Variants in ADGRB3 observed in about 807,000 individuals in gnomAD.
ADGRB3 encodes the protein adhesion G protein-coupled receptor B3.
In ADGRB3, 37 loss-of-function variants were observed where a neutral mutation model predicts 193.4. The observed-to-expected ratio is 0.19, with a 90% CI of 0.15 to 0.25. The LOEUF is 0.25. ADGRB3 is among the 10% of genes least tolerant of loss of function. The pLI is 1.00. For synonymous variants in ADGRB3, 690 were observed against 644.2 expected (o/e 1.07, Z -1.08); for missense variants, 1,637 against 1,852.9 (o/e 0.88, Z 2.14).
chr6:69,100,868 AG>A (rs61679456), intron 17 of ADGRB3, among the ~76,000 whole-genome samples: 3 of 24,570 alleles, frequency 1.2e-4, no homozygotes, highest in Non-Finnish European at 2.1e-4. Flanking sequence ...GAAGGAAGGA[AG>A]GAAGAAGGAA....
intron 17 of ADGRB3, among the ~76,000 whole-genome samples, chr6:69,210,149 C>CATATATATATATATATATATATGATAT (rs58586306): frequency 2.0e-4 from 16 of 78,938 alleles, no homozygotes; most frequent in African/African-American, 9.5e-4. Context: ...TAATATATAT[C>CATATATATATATATATATATATGATAT]ATATATATAT....
intron 3 of ADGRB3, among the ~76,000 whole-genome samples, chr6:68,837,102 T>C (rs36051509): frequency 0.11 from 16,378 of 152,190 alleles, 1,047 homozygotes; most frequent in Middle Eastern, 0.18. Flanking sequence ...TAGAAAGAAA[T>C]ATATTAATTT....
At chr6:69,360,236 A>AT (rs1769423310) in intron 28 of ADGRB3, among the ~76,000 whole-genome samples, 1 of 151,892 alleles carries the variant, frequency 6.6e-6, no homozygotes, top group African/African-American at 2.4e-5. Context: ...TTATAGATTA[A>AT]TTTTTTAAAT....
At chr6:69,182,418 A>AC (rs529109103) in intron 17 of ADGRB3, among the ~76,000 whole-genome samples, 23 of 152,066 alleles carry the variant, frequency 1.5e-4, no homozygotes, top group Middle Eastern at 3.4e-3. Context: ...GAAAAAAAAA[A>AC]AAACAGAAGG....
intron 3 of ADGRB3, among the ~76,000 whole-genome samples, chr6:68,741,729 A>G (rs1294887381): frequency 6.6e-6 from 1 of 152,216 alleles, no homozygotes; most frequent in Non-Finnish European, 1.5e-5. Flanking sequence ...TATCATAAGT[A>G]TAGAAGAGTA....
chr6:69,351,165 C>T (rs1396838582), intron 26 of ADGRB3, among the ~76,000 whole-genome samples: 3 of 151,058 alleles, frequency 2.0e-5, no homozygotes, highest in African/African-American at 7.3e-5. Context: ...ACAATCTCGG[C>T]TCACTGCAAC....
chr6:68,943,331 T>TA (rs1411739442), intron 5 of ADGRB3, among the ~76,000 whole-genome samples: 1 of 152,180 alleles, frequency 6.6e-6, no homozygotes. Flanking sequence ...TAAAAGTTAA[T>TA]ATGCACTCTC....
At chr6:68,807,266 C>G (rs1482284951) in intron 3 of ADGRB3, among the ~76,000 whole-genome samples, 1 of 106,566 alleles carries the variant, frequency 9.4e-6, no homozygotes, top group Non-Finnish European at 1.7e-5. Flanking sequence ...GAGACAGAGT[C>G]TCGCTATCGC....
chr6:68,911,675 G>T (rs13204994), intron 3 of ADGRB3, among the ~76,000 whole-genome samples: 6,647 of 152,180 alleles, frequency 0.044, 181 homozygotes, highest in Middle Eastern at 0.088. Flanking sequence ...GTTTAATTTG[G>T]GCATTTAACT....
At chr6:69,340,547 A>G (rs539815447) in intron 26 of ADGRB3, among the ~76,000 whole-genome samples, 1 of 152,290 alleles carries the variant, frequency 6.6e-6, no homozygotes, top group Non-Finnish European at 1.5e-5. Flanking sequence ...TTTTGCAGTG[A>G]TGTGCAGAGA....
At chr6:68,890,157 A>G (rs1766032051) in intron 3 of ADGRB3, among the ~76,000 whole-genome samples, 1 of 152,224 alleles carries the variant, frequency 6.6e-6, no homozygotes, top group Non-Finnish European at 1.5e-5. Flanking sequence ...CACTTAATGC[A>G]TCAAAGATGT....
At chr6:68,657,122 A>G (rs528090352) in intron 3 of ADGRB3, among the ~76,000 whole-genome samples, 2 of 151,538 alleles carry the variant, frequency 1.3e-5, no homozygotes, top group Admixed American at 6.6e-5. Flanking sequence ...TCTTACATCA[A>G]TCAGACAAGC....
At chr6:69,053,411 T>A (rs188607473) in intron 15 of ADGRB3, among the ~76,000 whole-genome samples, 63 of 152,368 alleles carry the variant, frequency 4.1e-4, no homozygotes, top group African/African-American at 1.5e-3. Context: ...TGTTACTATT[T>A]ATTATTTTAA....
intron 20 of ADGRB3, among the ~76,000 whole-genome samples, chr6:69,292,910 C>T (rs1767721947): frequency 6.6e-6 from 1 of 151,238 alleles, no homozygotes; most frequent in African/African-American, 2.4e-5. Flanking sequence ...TGATGTTCCC[C>T]TTCCTGTGTC....
intron 20 of ADGRB3, among the ~76,000 whole-genome samples, chr6:69,294,993 G>A (rs1405281409): frequency 6.6e-6 from 1 of 152,100 alleles, no homozygotes; most frequent in African/African-American, 2.4e-5. Flanking sequence ...GTGACGTTCT[G>A]TCATTTCTGT....
At chr6:69,133,642 G>A (rs62406790) in intron 17 of ADGRB3, among the ~76,000 whole-genome samples, 36,684 of 151,368 alleles carry the variant, frequency 0.24, 4,671 homozygotes, top group Middle Eastern at 0.4. Context: ...TCCTGATAAC[G>A]AAACCCGGCA....
intron 3 of ADGRB3, among the ~76,000 whole-genome samples, chr6:68,670,545 G>A (rs796337506): frequency 3.9e-5 from 6 of 151,992 alleles, no homozygotes; most frequent in African/African-American, 1.2e-4. Context: ...TCCAATGGAT[G>A]TTTTTGGCAA....
At chr6:68,944,500 A>G (rs949198007) in intron 6 of ADGRB3, among the ~76,000 whole-genome samples, 1 of 152,158 alleles carries the variant, frequency 6.6e-6, no homozygotes, top group Non-Finnish European at 1.5e-5. Context: ...TACAATCTTT[A>G]TGGGATTATG....
chr6:69,160,984 A>C (rs570665050), intron 17 of ADGRB3, among the ~76,000 whole-genome samples: 21 of 152,206 alleles, frequency 1.4e-4, no homozygotes, highest in African/African-American at 3.9e-4. Flanking sequence ...ACTCATGTCA[A>C]ATCTTAATTT....
Sources: allele counts gnomAD v4.1 joint callset (sites outside exome capture counted in the v4.1 genomes callset), GRCh38; gene constraint gnomAD v4.1.1; transcripts MANE v1.5; gene names NCBI Gene and HGNC (gene_info 2026-07-23, HGNC 2026-07-21).